Variants in MDGA2 observed in about 807,000 individuals in gnomAD.
MDGA2 encodes MAM domain-containing glycosylphosphatidylinositol anchor protein 2.
A neutral mutation model predicts 117.8 loss-of-function variants in MDGA2; 40 were observed. The ratio of observed to expected loss-of-function variants is 0.34; its 90% CI spans 0.26 to 0.44. MDGA2 has a LOEUF of 0.44. Ranked by LOEUF, MDGA2 falls within the 20% of genes least tolerant of loss-of-function variation. MDGA2 has a pLI of 1.00. For missense variants in MDGA2, 1,123 were observed against 1,250.6 expected, an observed-to-expected ratio of 0.90 and a Z score of 1.54; for synonymous variants, 452 against 439.0, an observed-to-expected ratio of 1.03 and a Z score of -0.37.
chr14:47,639,683 T>C lies in MDGA2; in HGVS notation c.280+34834A>G, dbSNP rs570727292. 3.3e-5 allele frequency among the ~76,000 whole-genome samples: 5 copies of C among 152,294 alleles called. No individual in the cohort carries two copies. In the South Asian group the frequency reaches 1.0e-3, roughly 32 times the overall value. ...GCATTTCATATTGTATACTGTTCTA[T>C]GTTTCCATGTGTTTCCCAGTTCAGC... On this transcript the variant is annotated intron_variant, in intron 1 of 16. Transcript: ENST00000399232.
intron 1 of MDGA2, among the ~76,000 whole-genome samples, chr14:47,465,690 G>T (rs528555806): frequency 6.6e-6 from 1 of 152,208 alleles, no homozygotes; most frequent in South Asian, 2.1e-4. Flanking sequence ...ACAGACGCTG[G>T]CAAGGTGGCA....
intron 1 of MDGA2, among the ~76,000 whole-genome samples, chr14:47,308,330 GAA>G (rs1889522913): frequency 6.6e-6 from 1 of 152,072 alleles, no homozygotes; most frequent in African/African-American, 2.4e-5. Context: ...GGACTGCAAA[GAA>G]TAATTACTTT....
At position 47,218,073 on chromosome 14, in the gene MDGA2, T is replaced by G; in HGVS notation, c.543A>C (p.Ala181=). 1.3e-6 allele frequency: 2 copies of G among 1,551,542 alleles called. No homozygotes were observed. Residue 181 remains alanine, a synonymous_variant, in exon 3 of 17, where the codon GCA becomes GCC. Transcript: ENST00000399232. ...TCGCTGGAGACCCCAAGCCATTCTC[T>G]GCTTTACAGTAATACCGGCCTCCTT... ...RHQGGRYYCK[A]ENGLGSPAIK...
chr14:47,134,615 A>T (rs1882362075), intron 4 of MDGA2, among the ~76,000 whole-genome samples: 1 of 152,114 alleles, frequency 6.6e-6, no homozygotes, highest in South Asian at 2.1e-4. Flanking sequence ...GAAATAAAAC[A>T]AATGAAAATC....
At chr14:47,329,144 T>C (rs1485525498) in intron 1 of MDGA2, among the ~76,000 whole-genome samples, 2 of 151,982 alleles carry the variant, frequency 1.3e-5, no homozygotes, top group Non-Finnish European at 2.9e-5. Flanking sequence ...GTTGCCCAGG[T>C]TGGTCTTGAA....
chr14:46,988,182 T>C (rs1017602350), intron 8 of MDGA2, among the ~76,000 whole-genome samples: 3 of 151,870 alleles, frequency 2.0e-5, no homozygotes, highest in Non-Finnish European at 4.4e-5. Context: ...TATTATTGTG[T>C]CCTCAGATTC....
At chr14:47,341,462 C>T (rs540186818) in intron 1 of MDGA2, among the ~76,000 whole-genome samples, 14 of 152,134 alleles carry the variant, frequency 9.2e-5, no homozygotes, top group Middle Eastern at 3.4e-3. Flanking sequence ...CTCTTTGGTA[C>T]GTAATTTCTT....
intron 2 of MDGA2, among the ~76,000 whole-genome samples, chr14:47,300,717 G>A (rs1011579777): frequency 8.0e-5 from 12 of 150,134 alleles, no homozygotes; most frequent in African/African-American, 2.7e-4. Context: ...CAGGCTGGTC[G>A]CCAACTTCTG....
intron 8 of MDGA2, among the ~76,000 whole-genome samples, chr14:47,027,894 T>C (rs1386937707): frequency 1.3e-5 from 2 of 151,898 alleles, no homozygotes; most frequent in Non-Finnish European, 2.9e-5. Flanking sequence ...GTAATGTAAA[T>C]CCATGGAAAG....
chr14:47,324,462 CT>C (rs1007036956), intron 1 of MDGA2, among the ~76,000 whole-genome samples: 2 of 151,994 alleles, frequency 1.3e-5, no homozygotes, highest in African/African-American at 2.4e-5. Context: ...AAACTCAGAA[CT>C]TTTTTTTCTT....
At chr14:47,213,707 C>T (rs1459794193) in intron 3 of MDGA2, among the ~76,000 whole-genome samples, 1 of 151,980 alleles carries the variant, frequency 6.6e-6, no homozygotes, top group African/African-American at 2.4e-5. Flanking sequence ...CTGAAAGTCC[C>T]TTGTTTGTGT....
At chr14:47,200,067 A>C (rs1885433126) in intron 3 of MDGA2, among the ~76,000 whole-genome samples, 1 of 152,072 alleles carries the variant, frequency 6.6e-6, no homozygotes, top group Non-Finnish European at 1.5e-5. Flanking sequence ...AATAGAGAAA[A>C]AATGGAAAAA....
chr14:47,117,702 C>T lies in MDGA2; in HGVS notation c.925+14012G>A, dbSNP rs112726293. Among the ~76,000 whole-genome samples, 89 of 152,078 alleles carry T rather than the reference C, an allele frequency of 5.9e-4. 1 individual carries two copies. The highest frequency in any genetic ancestry group is 2.1e-3 in the African/African-American group (86 of 41,488). On this transcript the variant is annotated intron_variant, in intron 5 of 16. Transcript: ENST00000399232. ...ATAAGGTACCTAAAGTAGTCAAATT[C>T]ATAGAATCATAGAATCAAAGGGTGG...
At chr14:47,348,597 G>A (rs1265715752) in intron 1 of MDGA2, among the ~76,000 whole-genome samples, 3 of 151,948 alleles carry the variant, frequency 2.0e-5, no homozygotes, top group African/African-American at 7.2e-5. Flanking sequence ...AGTTTCTCGA[G>A]AAGGCAAAAA....
intron 6 of MDGA2, among the ~76,000 whole-genome samples, chr14:47,080,964 CAG>C (rs1181646310): frequency 6.6e-6 from 1 of 152,090 alleles, no homozygotes; most frequent in Non-Finnish European, 1.5e-5. Flanking sequence ...CATCCAACTC[CAG>C]AGTCTTTATT....
At chr14:47,369,052 A>C (rs1342705293) in intron 1 of MDGA2, among the ~76,000 whole-genome samples, 1 of 152,198 alleles carries the variant, frequency 6.6e-6, no homozygotes, top group Admixed American at 6.5e-5. Context: ...ATGAATAATA[A>C]CATTATTAGA....
intron 2 of MDGA2, among the ~76,000 whole-genome samples, chr14:47,223,888 G>C (rs117062797): frequency 0.045 from 6,895 of 152,198 alleles, 218 homozygotes; most frequent in Middle Eastern, 0.071. Context: ...CATGGCGGCA[G>C]GAGAGAGAAG....
intron 7 of MDGA2, among the ~76,000 whole-genome samples, chr14:47,038,809 G>C (rs1241593772): frequency 1.3e-5 from 2 of 151,834 alleles, no homozygotes; most frequent in Non-Finnish European, 2.9e-5. Context: ...GGGCGTGGCA[G>C]TGGGCGCCTG....
chr14:47,469,194 T>G (rs1318930062), intron 1 of MDGA2, among the ~76,000 whole-genome samples: 1 of 152,100 alleles, frequency 6.6e-6, no homozygotes, highest in African/African-American at 2.4e-5. Context: ...TTAGGGTACA[T>G]GTGCACAATG....
Sources: allele counts gnomAD v4.1 joint callset (sites outside exome capture counted in the v4.1 genomes callset), GRCh38; gene constraint gnomAD v4.1.1; transcripts MANE v1.5; gene names NCBI Gene and HGNC (gene_info 2026-07-23, HGNC 2026-07-21).